The following C1orf87 variants were observed in gnomAD, a reference collection of about 807,000 sequenced individuals.
The protein encoded by C1orf87 is uncharacterized protein C1orf87.
Under a neutral mutation model 60.5 loss-of-function variants are expected in C1orf87, and 58 were observed. That is an observed-to-expected ratio of 0.96 (90% confidence interval 0.78 to 1.19). C1orf87 has a LOEUF of 1.19. Ranked by LOEUF, C1orf87 falls within the 50% of genes most tolerant of loss-of-function variation. The pLI is 0.00. For synonymous variants in C1orf87, 236 were observed against 227.4 expected (o/e 1.04, Z -0.34); for missense variants, 673 against 638.6 (o/e 1.05, Z -0.58).
chr1:60,045,086 A>G (rs74085889), intron 3 of C1orf87, among the ~76,000 whole-genome samples: 10,401 of 152,302 alleles, frequency 0.068, 372 homozygotes, highest in Non-Finnish European at 0.078. Context: ...AAGACAAGTG[A>G]ACACAACAAA....
intron 2 of C1orf87, among the ~76,000 whole-genome samples, chr1:60,058,268 G>A (rs982050876): frequency 2.6e-5 from 4 of 152,132 alleles, no homozygotes; most frequent in Admixed American, 1.3e-4. Flanking sequence ...GTACTATTTT[G>A]TTTCTTGATC....
intron 6 of C1orf87, among the ~76,000 whole-genome samples, chr1:60,034,003 A>G (rs1422092697): frequency 6.6e-6 from 1 of 152,126 alleles, no homozygotes; most frequent in Non-Finnish European, 1.5e-5. Context: ...ACTTTTCTTC[A>G]ACTCAGATAA....
Position 60,057,472 on chromosome 1 carries a change from T to C in C1orf87, c.108-2034A>G, listed in dbSNP as rs368415731. Among the ~76,000 whole-genome samples, 71 of 152,250 alleles carry C rather than the reference T, an allele frequency of 4.7e-4. 1 individual carries two copies. The South Asian group carries it at 0.014, about 30-fold the overall frequency. On this transcript the variant is annotated intron_variant, in intron 2 of 11. Transcript: ENST00000371201. ...AAGACTTTGTTATCATGTTCAAAGATGTTAGGGAGTTTAGCCTGTTGAAAT... is the reference window on the plus strand; with the variant it reads ...AAGACTTTGTTATCATGTTCAAAGACGTTAGGGAGTTTAGCCTGTTGAAAT...
intron 3 of C1orf87, among the ~76,000 whole-genome samples, chr1:60,042,216 G>T (rs1374224990): frequency 6.6e-6 from 1 of 152,022 alleles, no homozygotes; most frequent in East Asian, 1.9e-4. Flanking sequence ...CAAGACACAT[G>T]GTTATTTTAT....
chr1:60,058,427 C>A (rs969123633), intron 2 of C1orf87, among the ~76,000 whole-genome samples: 1 of 151,642 alleles, frequency 6.6e-6, no homozygotes, highest in African/African-American at 2.4e-5. Flanking sequence ...TGAAACATAC[C>A]CAGTTAGCAT....
chr1:60,042,980 C>T (rs192043919), intron 3 of C1orf87, among the ~76,000 whole-genome samples: 137 of 152,254 alleles, frequency 9.0e-4, no homozygotes, highest in African/African-American at 3.1e-3. Context: ...TCTAGGCTTG[C>T]AACATAAGTC....
At chr1:60,010,959 C>G (rs1645080616) in intron 8 of C1orf87, 1 of 152,088 alleles carries the variant, frequency 6.6e-6, no homozygotes, top group East Asian at 1.9e-4. Flanking sequence ...TTCTGCCTTT[C>G]AAATCTCATG....
intron 11 of C1orf87, among the ~76,000 whole-genome samples, chr1:59,996,329 C>G (rs1644963770): frequency 1.3e-5 from 2 of 152,162 alleles, no homozygotes; most frequent in African/African-American, 4.8e-5. Flanking sequence ...CTTTTCCCAG[C>G]ACTCTGATGT....
chr1:59,990,633 A>C lies in C1orf87; in HGVS notation c.*40T>G. 6.2e-7 allele frequency: 1 copy of C among 1,602,480 alleles called. No homozygotes were observed. Among genetic ancestry groups the C allele is most frequent in the Non-Finnish European group, 8.5e-7 (1 of 1,171,634 alleles). On this transcript the variant is annotated 3_prime_UTR_variant, in exon 12 of 12. Transcript: ENST00000371201. Reference sequence around the variant, plus strand: ...GAAACATGTGTCTGGGTAAAAAGGGAGATAAGGGAAACATCTGTTCTCACA... The same window carrying C: ...GAAACATGTGTCTGGGTAAAAAGGGCGATAAGGGAAACATCTGTTCTCACA...
chr1:59,992,257 TA>T (rs1161925087), intron 11 of C1orf87, among the ~76,000 whole-genome samples: 3 of 143,746 alleles, frequency 2.1e-5, no homozygotes, highest in East Asian at 2.1e-4. Flanking sequence ...TTTATTTATT[TA>T]TTTATTTTTT....
chr1:59,990,865 T>G, intron 11 of C1orf87, 32 bp from the exon 12 acceptor site: 1 of 1,606,224 alleles, frequency 6.2e-7, no homozygotes, highest in Non-Finnish European at 8.5e-7. Flanking sequence ...GGAAGGTTTT[T>G]TAAAGAGGAT....
At chr1:60,017,136 C>T (rs1291963162) in intron 8 of C1orf87, among the ~76,000 whole-genome samples, 1 of 152,166 alleles carries the variant, frequency 6.6e-6, no homozygotes, top group Non-Finnish European at 1.5e-5. Flanking sequence ...ATACCTACTT[C>T]ATGGGAAAGT....
chr1:60,064,850 A>C (rs1321678224), intron 2 of C1orf87, among the ~76,000 whole-genome samples: 1 of 87,336 alleles, frequency 1.1e-5, no homozygotes, highest in Non-Finnish European at 2.0e-5. Flanking sequence ...TTATATATTT[A>C]TATATTTATT....
intron 8 of C1orf87, among the ~76,000 whole-genome samples, chr1:60,023,467 G>A (rs922120613): frequency 3.3e-5 from 5 of 151,788 alleles, no homozygotes; most frequent in African/African-American, 7.3e-5. Flanking sequence ...TTTATCTTCC[G>A]TTGCTTCCAT....
intron 11 of C1orf87, among the ~76,000 whole-genome samples, chr1:59,995,578 G>C (rs1644958261): frequency 6.6e-6 from 1 of 152,076 alleles, no homozygotes; most frequent in African/African-American, 2.4e-5. Flanking sequence ...TTCAAACTCG[G>C]GATGACCTGT....
At chr1:60,010,341 A>T in intron 9 of C1orf87, 51 bp downstream of exon 9, 2 of 1,479,754 alleles carry the variant, frequency 1.4e-6, no homozygotes, top group South Asian at 1.1e-5. Flanking sequence ...AGTCAACAAT[A>T]GCTGTGAAAA....
chr1:60,023,179 A>C (rs922088789), intron 8 of C1orf87, among the ~76,000 whole-genome samples: 6 of 152,104 alleles, frequency 3.9e-5, no homozygotes, highest in Admixed American at 2.0e-4. Flanking sequence ...GGTTTATTTC[A>C]AATTTCTTGT....
chr1:60,021,660 A>G (rs570271522), intron 8 of C1orf87, among the ~76,000 whole-genome samples: 2 of 152,350 alleles, frequency 1.3e-5, no homozygotes, highest in African/African-American at 4.8e-5. Context: ...CTTTGGATAC[A>G]TCAATGAATA....
intron 11 of C1orf87, among the ~76,000 whole-genome samples, chr1:59,991,279 A>G (rs1644922076): frequency 6.6e-6 from 1 of 152,214 alleles, no homozygotes; most frequent in Non-Finnish European, 1.5e-5. Context: ...CTCTAAATGT[A>G]TTTATAGATG....
Sources: gnomAD v4.1 joint callset for allele counts (sites outside exome capture counted in the v4.1 genomes callset) on GRCh38, gnomAD v4.1.1 for gene constraint, MANE v1.5 for transcripts, NCBI Gene and HGNC (gene_info 2026-07-23, HGNC 2026-07-21) for gene names.